The following CWF19L2 variants were observed in gnomAD, a reference collection of about 807,000 sequenced individuals.
CWF19L2 encodes CWF19 like cell cycle control factor 2.
In CWF19L2, 98 loss-of-function variants were observed where a neutral mutation model predicts 111.7. The ratio of observed to expected loss-of-function variants is 0.88; its 90% CI spans 0.75 to 1.04. The LOEUF (loss-of-function observed/expected upper bound fraction) is 1.04, where lower values mean the gene tolerates loss of function less well. Among genes scored for constraint, CWF19L2 ranks in the 50% least tolerant of loss-of-function variants. CWF19L2 has a pLI of 0.00. For missense variants in CWF19L2, 1,101 were observed against 1,051.4 expected (o/e 1.05, Z -0.65); for synonymous variants, 351 against 342.9 (o/e 1.02, Z -0.26).
intron 14 of CWF19L2, among the ~76,000 whole-genome samples, chr11:107,347,569 T>C (rs1034514776): frequency 2.6e-5 from 4 of 152,214 alleles, no homozygotes; most frequent in Admixed American, 2.0e-4. Context: ...AACACCATTA[T>C]TTGCATAAAA....
At chr11:107,411,095 A>G (rs1233855321) in intron 10 of CWF19L2, among the ~76,000 whole-genome samples, 49 of 97,544 alleles carry the variant, frequency 5.0e-4, no homozygotes, top group African/African-American at 1.2e-3. Flanking sequence ...GCGTGCACAC[A>G]CACACACACA....
chr11:107,395,235 GCT>G (rs777748243), intron 10 of CWF19L2, among the ~76,000 whole-genome samples: 22 of 152,156 alleles, frequency 1.4e-4, no homozygotes, highest in Non-Finnish European at 2.6e-4. Flanking sequence ...CTCCACACAA[GCT>G]CTCTCTTTCC....
chr11:107,392,438 C>T (rs1860862221), intron 11 of CWF19L2, among the ~76,000 whole-genome samples: 1 of 152,118 alleles, frequency 6.6e-6, no homozygotes, highest in African/African-American at 2.4e-5. Context: ...AGCTGTCTAA[C>T]ACTAGTAACA....
intron 12 of CWF19L2, among the ~76,000 whole-genome samples, chr11:107,386,069 A>T (rs1405774891): frequency 6.6e-6 from 1 of 152,242 alleles, no homozygotes; most frequent in African/African-American, 2.4e-5. Flanking sequence ...TAGCATATAT[A>T]GGGGTTTGGT....
At chr11:107,328,346 AG>A (rs1483588544) in intron 17 of CWF19L2, among the ~76,000 whole-genome samples, 9 of 152,156 alleles carry the variant, frequency 5.9e-5, no homozygotes, top group Non-Finnish European at 8.8e-5. Context: ...AGCTTATAAA[AG>A]TTTACCTAAA....
chr11:107,335,762 T>G (rs1859913645), intron 15 of CWF19L2, among the ~76,000 whole-genome samples: 1 of 152,192 alleles, frequency 6.6e-6, no homozygotes, highest in Admixed American at 6.5e-5. Flanking sequence ...GTTTTTACAG[T>G]ATTGTTATTA....
At chr11:107,363,622 T>A (rs1385367209) in intron 12 of CWF19L2, among the ~76,000 whole-genome samples, 1 of 121,328 alleles carries the variant, frequency 8.2e-6, no homozygotes, top group East Asian at 2.4e-4. Context: ...AAGCAAATGC[T>A]GAGAGATTCT....
chr11:107,404,756 A>G (rs962014973), intron 10 of CWF19L2, among the ~76,000 whole-genome samples: 8 of 152,200 alleles, frequency 5.3e-5, no homozygotes, highest in Non-Finnish European at 8.8e-5. Flanking sequence ...GGTACTCAAT[A>G]AATGCTTGAT....
chr11:107,356,121 A>G (rs923757398), intron 12 of CWF19L2, among the ~76,000 whole-genome samples: 2 of 152,196 alleles, frequency 1.3e-5, no homozygotes, highest in Non-Finnish European at 2.9e-5. Flanking sequence ...GGTATTGTGC[A>G]CTTCTAAATG....
At chr11:107,346,212 G>A (rs866749584) in intron 14 of CWF19L2, among the ~76,000 whole-genome samples, 1 of 152,112 alleles carries the variant, frequency 6.6e-6, no homozygotes, top group East Asian at 1.9e-4. Flanking sequence ...GAATATTAAC[G>A]CTATGATGTA....
chr11:107,435,932 G>C (rs991230573), intron 6 of CWF19L2, among the ~76,000 whole-genome samples: 1 of 152,084 alleles, frequency 6.6e-6, no homozygotes, highest in Non-Finnish European at 1.5e-5. Flanking sequence ...AAGGTGGGCA[G>C]ATCAGGAGGT....
intron 12 of CWF19L2, among the ~76,000 whole-genome samples, chr11:107,361,651 T>C (rs1860339566): frequency 2.6e-5 from 4 of 152,254 alleles, no homozygotes; most frequent in Admixed American, 2.6e-4. Context: ...ACGATTTCTT[T>C]CACAGGTGCT....
chr11:107,429,439 A>G lies in CWF19L2; in HGVS notation c.793T>C (p.Phe265Leu), dbSNP rs766376510. The G allele has an allele frequency of 3.2e-6, 5 of 1,552,066 alleles. No individual in the cohort carries two copies. The South Asian group carries it at 6.1e-5, about 19-fold the overall frequency. ...TCAGCATCTTCTAATTTTGACTGAA[A>G]TATTTCCATTGACTACAAAGGAGAA... is the stretch of plus-strand genomic sequence containing the variant. ...VAERYGSMEI[F>L]QSKLEDAEKA... Residue 265 changes from phenylalanine (F) to leucine (L), a missense_variant, in exon 8 of 18, where the codon TTT becomes CTT. Physicochemically the swap from Phe to Leu is conservative, Grantham distance 22 (BLOSUM62 0). Coordinates refer to ENST00000282251, the MANE Select transcript of CWF19L2 (RefSeq NM_152434.3).
In CWF19L2 at chr11:107,433,260, CTT is replaced by C. The variant is rs569588484; in HGVS notation, c.780+372_780+373del. On this transcript the variant is annotated intron_variant, in intron 7 of 17. Coordinates refer to ENST00000282251, the MANE Select transcript of CWF19L2 (RefSeq NM_152434.3). ...ATTGTTTTAAGAGTATATATACACT[CTT>C]TTAAAAAAATCCGTAAAGTACCCAA... 1.3e-3 allele frequency among the ~76,000 whole-genome samples: 199 copies of C among 152,178 alleles called. 4 individuals are homozygous for C. The South Asian group carries it at 0.039, about 30-fold the overall frequency.
intron 3 of CWF19L2, among the ~76,000 whole-genome samples, chr11:107,445,578 TGGGG>T (rs1861689928): frequency 6.8e-6 from 1 of 146,044 alleles, no homozygotes; most frequent in African/African-American, 2.5e-5. Context: ...CACTCCAGCC[TGGGG>T]GACAAGAGCA....
intron 12 of CWF19L2, among the ~76,000 whole-genome samples, chr11:107,354,441 T>G (rs1860205622): frequency 6.6e-6 from 1 of 152,198 alleles, no homozygotes; most frequent in Non-Finnish European, 1.5e-5. Flanking sequence ...TTTCCTCATT[T>G]TACAATGGTT....
chr11:107,430,175 A>G (rs1205434628), intron 7 of CWF19L2, among the ~76,000 whole-genome samples: 1 of 151,738 alleles, frequency 6.6e-6, no homozygotes, highest in Non-Finnish European at 1.5e-5. Context: ...AAAAACACAG[A>G]AAAAAACCCT....
chr11:107,429,893 A>G (rs1861440861), intron 7 of CWF19L2, among the ~76,000 whole-genome samples: 2 of 151,824 alleles, frequency 1.3e-5, no homozygotes, highest in African/African-American at 4.8e-5. Flanking sequence ...GCCAAGATAC[A>G]CCAAAAGGAA....
At chr11:107,446,862 G>A (rs542354791) in intron 3 of CWF19L2, among the ~76,000 whole-genome samples, 1 of 152,256 alleles carries the variant, frequency 6.6e-6, no homozygotes, top group African/African-American at 2.4e-5. Flanking sequence ...TACGACTTCA[G>A]TTCTCTTGCT....
Sources: gnomAD v4.1 joint callset for allele counts (sites outside exome capture counted in the v4.1 genomes callset) on GRCh38, gnomAD v4.1.1 for gene constraint, MANE v1.5 for transcripts, NCBI Gene and HGNC (gene_info 2026-07-23, HGNC 2026-07-21) for gene names.